ZNF253: variants seen among roughly 807,000 people sequenced by gnomAD.
The protein encoded by ZNF253 is zinc finger protein 253, also known as DNA-binding protein.
ZNF253 carries 8 observed loss-of-function variants against 11.9 expected under a neutral mutation model. The observed-to-expected ratio is 0.67, with a 90% CI of 0.40 to 1.22. The LOEUF (loss-of-function observed/expected upper bound fraction) is 1.22, where lower values mean the gene tolerates loss of function less well. Among genes scored for constraint, ZNF253 ranks in the 50% most tolerant of loss-of-function variants. ZNF253 has a pLI of 0.01. For missense variants in ZNF253, 485 were observed against 586.9 expected, an observed-to-expected ratio of 0.83 and a Z score of 1.79; for synonymous variants, 194 against 194.9, an observed-to-expected ratio of 1.00 and a Z score of 0.04.
chr19:19,869,723 G>A (rs2063125783), intron 1 of ZNF253, among the ~76,000 whole-genome samples: 1 of 137,560 alleles, frequency 7.3e-6, no homozygotes, highest in Non-Finnish European at 1.5e-5. Flanking sequence ...AGGCTGGAGT[G>A]CAGTGGTGTA....
intron 1 of ZNF253, among the ~76,000 whole-genome samples, chr19:19,868,345 T>C (rs2063119784): frequency 6.6e-6 from 1 of 152,142 alleles, no homozygotes; most frequent in Non-Finnish European, 1.5e-5. Flanking sequence ...TTTAAGTCTT[T>C]AATTAATCTT....
rs73530918 is a variant in ZNF253 at position 19,887,984 on chromosome 19, G to A, written c.227-3490G>A. On this transcript the variant is annotated intron_variant, in intron 3 of 3. Transcript: ENST00000589717. ...TTTTTAATAAACCTTTTTATTGAAA[G>A]TATGTTTCTTGACTGGAAAGATAAT... 7.2e-3 allele frequency among the ~76,000 whole-genome samples: 1,087 copies of A among 151,932 alleles called. 15 individuals carry two copies. The highest frequency in any genetic ancestry group is 0.024 in the African/African-American group (984 of 41,466).
In ZNF253 at chr19:19,866,744, C is replaced by G. The variant is rs187894788; in HGVS notation, c.3+745C>G. ...AACTCCCGAACTCAGTTGATCCGCC[C>G]GCCTCGGCCTCCCAGTTTGAAAGGG... On this transcript the variant is annotated intron_variant, in intron 1 of 3. Coordinates refer to ENST00000589717, the MANE Select transcript of ZNF253 (RefSeq NM_021047.3). 3.2e-4 allele frequency among the ~76,000 whole-genome samples: 49 copies of G among 152,198 alleles called. No individual in the cohort carries two copies. The East Asian group carries it at 9.5e-3, about 29-fold the overall frequency.
chr19:19,880,040 T>C lies in ZNF253; in HGVS notation c.131-11T>C, dbSNP rs752424345. 62 of 1,594,390 alleles carry C rather than the reference T, an allele frequency of 3.9e-5. No homozygotes were observed. Among genetic ancestry groups the C allele is most frequent in the Non-Finnish European group, 5.1e-5 (60 of 1,167,588 alleles). On this transcript the variant is annotated splice_polypyrimidine_tract_variant and intron_variant, in intron 2 of 3. Coordinates refer to ENST00000589717, the MANE Select transcript of ZNF253 (RefSeq NM_021047.3). ...GAGCAAGATTCATGTTATTTATTTT[T>C]AATAAAACAGGTATTGTTGTCTCTA...
chr19:19,882,170 C>A (rs2063180571), intron 3 of ZNF253, among the ~76,000 whole-genome samples: 1 of 143,884 alleles, frequency 7.0e-6, no homozygotes, highest in Admixed American at 7.0e-5. Flanking sequence ...GCCTGGGCAA[C>A]AAGAGCGAAA....
intron 1 of ZNF253, among the ~76,000 whole-genome samples, chr19:19,867,603 A>G (rs1002380125): frequency 6.6e-6 from 1 of 152,224 alleles, no homozygotes; most frequent in African/African-American, 2.4e-5. Flanking sequence ...TTCTAAGCTC[A>G]GGCAATCCAC....
At position 19,886,148 on chromosome 19, in the gene ZNF253, A is replaced by G. The variant is rs147698796; in HGVS notation, c.227-5326A>G. Among the ~76,000 whole-genome samples the G allele has an allele frequency of 6.9e-3, 1,054 of 152,246 alleles. 15 individuals are homozygous for G. Among genetic ancestry groups the G allele is most frequent in the African/African-American group, 0.024 (984 of 41,532 alleles). On this transcript the variant is annotated intron_variant, in intron 3 of 3. Transcript: ENST00000589717. The stretch of plus-strand genomic sequence containing the variant: ...GCTAGGATTACAGACATGCACTACC[A>G]TGTCTGGCTAATTGTGTGCTTGTTT...
chr19:19,871,944 C>T (rs1477451831), intron 1 of ZNF253, among the ~76,000 whole-genome samples: 1 of 152,112 alleles, frequency 6.6e-6, no homozygotes, highest in African/African-American at 2.4e-5. Flanking sequence ...AGGGGACTTT[C>T]CCTCTCTGGC....
chr19:19,872,255 C>A (rs914880799), intron 1 of ZNF253, among the ~76,000 whole-genome samples: 1 of 152,030 alleles, frequency 6.6e-6, no homozygotes, highest in East Asian at 1.9e-4. Context: ...TGTCTTTTTG[C>A]TAAAATCCTT....
intron 3 of ZNF253, among the ~76,000 whole-genome samples, chr19:19,887,169 CA>C (rs888829822): frequency 7.5e-6 from 1 of 133,480 alleles, no homozygotes; most frequent in Non-Finnish European, 1.6e-5. Context: ...ATGGAATATA[CA>C]TTTTTTTTTC....
chr19:19,883,777 T>A (rs2063187499), intron 3 of ZNF253, among the ~76,000 whole-genome samples: 1 of 152,108 alleles, frequency 6.6e-6, no homozygotes, highest in Non-Finnish European at 1.5e-5. Context: ...CTCATATAGC[T>A]GGGTGTGGTG....
chr19:19,872,583 TTATATA>T (rs139435074), intron 1 of ZNF253, among the ~76,000 whole-genome samples: 1 of 120,762 alleles, frequency 8.3e-6, no homozygotes, highest in Non-Finnish European at 1.6e-5. Context: ...ATATATATTA[TTATATA>T]TATATATATA....
chr19:19,869,036 GT>G (rs2063122258), intron 1 of ZNF253, among the ~76,000 whole-genome samples: 1 of 151,882 alleles, frequency 6.6e-6, no homozygotes, highest in Admixed American at 6.6e-5. Flanking sequence ...CTTCTGAAAA[GT>G]TTATTTTTTT....
chr19:19,891,614 A>T lies in ZNF253; in HGVS notation c.367A>T (p.Lys123Ter). The T allele has an allele frequency of 1.2e-6, 2 of 1,614,170 alleles. No individual in the cohort carries two copies. The highest frequency in any genetic ancestry group is 1.7e-6 in the Non-Finnish European group (2 of 1,180,018). ...KKGCKSVGEH[K>*]VHKGGYNGLN... ...AGGCTGTAAAAGCGTGGGTGAGCAT[A>T]AGGTGCACAAAGGAGGTTATAATGG... is the stretch of plus-strand genomic sequence containing the variant. Residue 123 changes from lysine to a stop codon, truncating the protein, a stop_gained, in exon 4 of 4, where the codon AAG (lysine) becomes TAG (stop). Transcript: ENST00000589717. LOFTEE classifies it low-confidence loss of function (END_TRUNC).
intron 1 of ZNF253, among the ~76,000 whole-genome samples, chr19:19,872,587 A>ATATATATATATTTT (rs1410537342): frequency 7.6e-6 from 1 of 130,730 alleles, no homozygotes; most frequent in African/African-American, 3.6e-5. Flanking sequence ...ATATTATTAT[A>ATATATATATATTTT]TATATATATA....
At chr19:19,866,911 G>A (rs2063113839) in intron 1 of ZNF253, among the ~76,000 whole-genome samples, 1 of 152,154 alleles carries the variant, frequency 6.6e-6, no homozygotes, top group African/African-American at 2.4e-5. Flanking sequence ...GGCGGTTTGG[G>A]TTGTTTACGG....
In ZNF253 at chr19:19,879,652, C is replaced by A. The variant is rs1320175665; in HGVS notation, c.131-399C>A. The stretch of plus-strand genomic sequence containing the variant: ...TATAGAAAAAGTCACAAATAACGCC[C>A]AATAAAAAAGAATCTGTAGTATCTC... On this transcript the variant is annotated intron_variant, in intron 2 of 3. Coordinates refer to ENST00000589717, the MANE Select transcript of ZNF253 (RefSeq NM_021047.3). Among the ~76,000 whole-genome samples, 3 of 152,204 alleles carry A rather than the reference C, an allele frequency of 2.0e-5. 1 individual carries two copies. The highest frequency in any genetic ancestry group is 4.1e-4 in the South Asian group (2 of 4,828).
At position 19,894,365 on chromosome 19, in the gene ZNF253, T is replaced by C. The variant is rs2063245741; in HGVS notation, c.*1618T>C. 1 of 152,218 alleles carries C rather than the reference T, an allele frequency of 6.6e-6. No individual in the cohort carries two copies. Among genetic ancestry groups the C allele is most frequent in the Non-Finnish European group, 1.5e-5 (1 of 68,028 alleles). The allele number at this position is 152,218 out of a possible 1,614,324, so 9.4% of individuals were successfully genotyped here. A position where few individuals can be genotyped will look rare whatever the true frequency, so the allele number is the denominator to read the frequency against. ...TGATCAATTGTTGCTGCATTAGAGATATTAGAGATTGTTTTTTATTAGTTG... is the reference window on the plus strand; with the variant it reads ...TGATCAATTGTTGCTGCATTAGAGACATTAGAGATTGTTTTTTATTAGTTG... On this transcript the variant is annotated 3_prime_UTR_variant, in exon 4 of 4. Coordinates refer to ENST00000589717, the MANE Select transcript of ZNF253 (RefSeq NM_021047.3).
At chr19:19,890,678 T>G (rs1355814092) in intron 3 of ZNF253, among the ~76,000 whole-genome samples, 1 of 151,892 alleles carries the variant, frequency 6.6e-6, no homozygotes, top group African/African-American at 2.4e-5. Context: ...CCTGTTACCA[T>G]GCCTGGCTAA....
Sources: gnomAD v4.1 joint callset for allele counts (sites outside exome capture counted in the v4.1 genomes callset) on GRCh38, gnomAD v4.1.1 for gene constraint, MANE v1.5 for transcripts, NCBI Gene and HGNC (gene_info 2026-07-23, HGNC 2026-07-21) for gene names.